The following IL1RAP variants were observed in gnomAD, a reference collection of about 807,000 sequenced individuals.
The protein encoded by IL1RAP is interleukin-1 receptor accessory protein.
Under a neutral mutation model 60.7 loss-of-function variants are expected in IL1RAP, and 35 were observed. That is an observed-to-expected ratio of 0.58 (90% CI 0.44 to 0.76). The LOEUF is 0.76. Among genes scored for constraint, IL1RAP ranks in the 30% least tolerant of loss-of-function variants. The pLI, the probability that IL1RAP is intolerant of heterozygous loss-of-function variation, is 0.00. For synonymous variants in IL1RAP, 268 were observed against 250.9 expected, an observed-to-expected ratio of 1.07 and a Z score of -0.64; for missense variants, 572 against 693.9, an observed-to-expected ratio of 0.82 and a Z score of 1.97.
At chr3:190,589,312 C>T (rs528136858) in intron 3 of IL1RAP, among the ~76,000 whole-genome samples, 2 of 152,326 alleles carry the variant, frequency 1.3e-5, no homozygotes, top group East Asian at 3.9e-4. Context: ...GTCACCCCAT[C>T]ATATTCACTG....
chr3:190,656,374 C>T (rs554338172), downstream of IL1RAP: 16 of 1,537,204 alleles, frequency 1.0e-5, no homozygotes, highest in East Asian at 9.8e-5. Flanking sequence ...CGCCACCTGC[C>T]GCTGTTGTGT....
chr3:190,565,756 A>G (rs138422946), intron 3 of IL1RAP, among the ~76,000 whole-genome samples: 3 of 152,138 alleles, frequency 2.0e-5, no homozygotes, highest in African/African-American at 7.2e-5. Flanking sequence ...TGATGTCCTG[A>G]TTTTCAAATA....
At chr3:190,527,684 A>AT (rs58914187) in intron 1 of IL1RAP, among the ~76,000 whole-genome samples, 9,539 of 112,812 alleles carry the variant, frequency 0.085, 684 homozygotes, top group East Asian at 0.34. Flanking sequence ...GCTTGTTTAC[A>AT]TTTTTTTTTT....
At chr3:190,560,036 T>G (rs1433124788) in intron 2 of IL1RAP, among the ~76,000 whole-genome samples, 1 of 152,178 alleles carries the variant, frequency 6.6e-6, no homozygotes, top group African/African-American at 2.4e-5. Context: ...CCCTGTAAAC[T>G]CCACAAAAGA....
intron 9 of IL1RAP, among the ~76,000 whole-genome samples, chr3:190,636,333 A>AT (rs1436955028): frequency 3.9e-5 from 6 of 152,004 alleles, no homozygotes; most frequent in African/African-American, 1.5e-4. Flanking sequence ...TATAATATGG[A>AT]TTTTTCCAAT....
chr3:190,549,100 G>GA (rs11369581), intron 1 of IL1RAP, among the ~76,000 whole-genome samples: 35,521 of 151,708 alleles, frequency 0.23, 7,520 homozygotes, highest in African/African-American at 0.57. Context: ...TGGCAAAAAG[G>GA]AAAAAAAGGG....
chr3:190,605,192 T>G (rs765435175), intron 4 of IL1RAP, among the ~76,000 whole-genome samples: 2 of 152,228 alleles, frequency 1.3e-5, no homozygotes, highest in Non-Finnish European at 2.9e-5. Flanking sequence ...TCTGGCAATC[T>G]AAGGATATAA....
At chr3:190,638,096 C>T (rs1367770330) in intron 9 of IL1RAP, among the ~76,000 whole-genome samples, 1 of 152,002 alleles carries the variant, frequency 6.6e-6, no homozygotes, top group Non-Finnish European at 1.5e-5. Context: ...AATAAAGCTT[C>T]TGTGAACTTT....
chr3:190,529,967 C>T (rs1015140382), intron 1 of IL1RAP, among the ~76,000 whole-genome samples: 7 of 152,046 alleles, frequency 4.6e-5, no homozygotes, highest in African/African-American at 1.7e-4. Context: ...TGCAGTACTA[C>T]CTAGAGGCCT....
chr3:190,617,041 G>A (rs1731340753), intron 5 of IL1RAP, among the ~76,000 whole-genome samples: 1 of 152,188 alleles, frequency 6.6e-6, no homozygotes, highest in Admixed American at 6.5e-5. Context: ...TCCTGTGCCT[G>A]AAGTGTCTAC....
At chr3:190,600,397 A>T (rs1729755178) in intron 3 of IL1RAP, among the ~76,000 whole-genome samples, 1 of 152,206 alleles carries the variant, frequency 6.6e-6, no homozygotes, top group Non-Finnish European at 1.5e-5. Context: ...TATAGCTGTC[A>T]TTCTGTCTTC....
intron 3 of IL1RAP, among the ~76,000 whole-genome samples, chr3:190,598,620 C>T (rs1272757323): frequency 4.6e-5 from 7 of 151,902 alleles, no homozygotes; most frequent in African/African-American, 1.7e-4. Context: ...ATACTTTCTG[C>T]CTTAACTATC....
intron 1 of IL1RAP, among the ~76,000 whole-genome samples, chr3:190,536,391 T>C (rs1723464299): frequency 1.3e-5 from 2 of 152,308 alleles, no homozygotes; most frequent in Admixed American, 1.3e-4. Context: ...GTCTAGTAAT[T>C]GAGTTACCAG....
intron 1 of IL1RAP, among the ~76,000 whole-genome samples, chr3:190,551,400 G>C (rs554912334): frequency 6.6e-6 from 1 of 152,308 alleles, no homozygotes; most frequent in Non-Finnish European, 1.5e-5. Context: ...CTCACAGATA[G>C]CTTCCAAATT....
intron 4 of IL1RAP, among the ~76,000 whole-genome samples, chr3:190,605,820 A>T (rs528781199): frequency 3.3e-5 from 5 of 152,254 alleles, no homozygotes; most frequent in Non-Finnish European, 5.9e-5. Flanking sequence ...GAGCTCAGTT[A>T]TGTCTTTAAA....
intron 5 of IL1RAP, among the ~76,000 whole-genome samples, chr3:190,615,097 AT>A (rs1731153753): frequency 6.6e-6 from 1 of 151,628 alleles, no homozygotes; most frequent in South Asian, 2.1e-4. Context: ...AAATTCTGCC[AT>A]GAATTCACAA....
At chr3:190,545,474 C>A (rs1048050093) in intron 1 of IL1RAP, among the ~76,000 whole-genome samples, 2 of 152,136 alleles carry the variant, frequency 1.3e-5, no homozygotes, top group African/African-American at 4.8e-5. Context: ...ATCCTTTTAT[C>A]GGAGACAGCT....
intron 1 of IL1RAP, among the ~76,000 whole-genome samples, chr3:190,516,742 GCTTA>G (rs146549121): frequency 0.25 from 37,449 of 151,506 alleles, 5,069 homozygotes; most frequent in Middle Eastern, 0.38. Flanking sequence ...AAAAAAAAAT[GCTTA>G]CTTTAAAAAT....
At chr3:190,577,079 C>A (rs1490650800) in intron 3 of IL1RAP, among the ~76,000 whole-genome samples, 4 of 123,430 alleles carry the variant, frequency 3.2e-5, no homozygotes, top group Non-Finnish European at 4.7e-5. Flanking sequence ...CCCGCCTGGG[C>A]GACAGAGCGA....
Sources: allele counts gnomAD v4.1 joint callset (sites outside exome capture counted in the v4.1 genomes callset), GRCh38; gene constraint gnomAD v4.1.1; transcripts MANE v1.5; gene names NCBI Gene and HGNC (gene_info 2026-07-23, HGNC 2026-07-21).